The following PHACTR1 variants were observed in gnomAD, a reference collection of about 807,000 sequenced individuals.
PHACTR1 encodes the protein RPEL repeat containing 1.
A neutral mutation model predicts 69.2 loss-of-function variants in PHACTR1; 16 were observed. That is an observed-to-expected ratio of 0.23 (90% CI 0.16 to 0.35). The LOEUF is 0.35. Among genes scored for constraint, PHACTR1 ranks in the 10% least tolerant of loss-of-function variants. The probability of loss-of-function intolerance (pLI) is 1.00; values close to 1 mark genes in which losing one functional copy is unlikely to be tolerated. For missense variants in PHACTR1, 510 were observed against 734.7 expected (o/e 0.69, Z 3.54); for synonymous variants, 312 against 284.5 (o/e 1.10, Z -0.97).
chr6:13,062,233 C>T (rs1807788478), intron 5 of PHACTR1, among the ~76,000 whole-genome samples: 1 of 152,204 alleles, frequency 6.6e-6, no homozygotes, highest in South Asian at 2.1e-4. Flanking sequence ...CTCAGGTACT[C>T]AGGTGAGCAT....
intron 4 of PHACTR1, among the ~76,000 whole-genome samples, chr6:12,976,823 C>T (rs997833755): frequency 6.6e-6 from 1 of 152,048 alleles, no homozygotes; most frequent in Non-Finnish European, 1.5e-5. Context: ...CTTGTGTTCA[C>T]GTAACTGATT....
intron 4 of PHACTR1, chr6:12,933,841 T>C: frequency 6.2e-7 from 1 of 1,612,718 alleles, no homozygotes; most frequent in East Asian, 2.2e-5. Context: ...TTCAAGGAGC[T>C]AAGAGAAGGA....
At chr6:13,193,951 T>C (rs1442016982) in intron 7 of PHACTR1, among the ~76,000 whole-genome samples, 1 of 152,082 alleles carries the variant, frequency 6.6e-6, no homozygotes, top group Non-Finnish European at 1.5e-5. Flanking sequence ...TCTCTTCCGG[T>C]CTCCCTAGGA....
chr6:13,125,715 G>A (rs935248783), intron 5 of PHACTR1, among the ~76,000 whole-genome samples: 15 of 152,138 alleles, frequency 9.9e-5, no homozygotes, highest in African/African-American at 3.6e-4. Flanking sequence ...AATCACTTGA[G>A]CCCAGGAGTT....
In PHACTR1 at chr6:12,964,846, G is replaced by A. The variant is rs146424655; in HGVS notation, c.251-88519G>A. Among the ~76,000 whole-genome samples the A allele has an allele frequency of 2.2e-4, 34 of 152,268 alleles. No homozygotes were observed. In the East Asian group the frequency reaches 6.2e-3, roughly 28 times the overall value. ...TTAATCTGCACAGCAAGCCTGCATG[G>A]TAGGTACAAATACAGCTGTTCCTCA... On this transcript the variant is annotated intron_variant, in intron 4 of 14. Transcript: ENST00000332995.
At chr6:13,278,447 G>A (rs1779414519) in intron 12 of PHACTR1, 118 bp downstream of exon 12, 1 of 851,092 alleles carries the variant, frequency 1.2e-6, no homozygotes, top group South Asian at 1.6e-5. Context: ...TCCTGTGTCA[G>A]AGAGTGCCAC....
intron 4 of PHACTR1, among the ~76,000 whole-genome samples, chr6:13,033,709 A>T (rs1036069520): frequency 1.1e-4 from 16 of 152,192 alleles, no homozygotes; most frequent in Admixed American, 6.5e-5. Context: ...GCTGGCATAA[A>T]AGTTGTTTCA....
intron 4 of PHACTR1, among the ~76,000 whole-genome samples, chr6:12,963,042 G>A (rs1003256665): frequency 1.3e-5 from 2 of 152,194 alleles, no homozygotes; most frequent in African/African-American, 4.8e-5. Flanking sequence ...GAATTGGTCA[G>A]TAGAGAGGAA....
chr6:13,143,880 T>A (rs1479079808), intron 5 of PHACTR1, among the ~76,000 whole-genome samples: 1 of 152,130 alleles, frequency 6.6e-6, no homozygotes, highest in African/African-American at 2.4e-5. Flanking sequence ...GTTGGATTGG[T>A]CCTGTGAATG....
At chr6:13,148,587 A>G (rs1275456518) in intron 5 of PHACTR1, among the ~76,000 whole-genome samples, 2 of 151,930 alleles carry the variant, frequency 1.3e-5, no homozygotes, top group Admixed American at 6.6e-5. Flanking sequence ...TTTTTTTCAC[A>G]TATACCTACT....
chr6:12,724,077 C>T (rs1464649674), intron 3 of PHACTR1, among the ~76,000 whole-genome samples: 2 of 152,200 alleles, frequency 1.3e-5, no homozygotes, highest in Non-Finnish European at 2.9e-5. Context: ...CCTGTAATCC[C>T]AGCACTTTGG....
At chr6:12,796,823 T>G (rs4714870) in intron 4 of PHACTR1, among the ~76,000 whole-genome samples, 56,469 of 152,080 alleles carry the variant, frequency 0.37, 11,282 homozygotes, top group African/African-American at 0.5. Context: ...CCGGAGGAAG[T>G]GCTGGACACT....
intron 4 of PHACTR1, among the ~76,000 whole-genome samples, chr6:12,985,537 A>ATATAT (rs1388013917): frequency 1.5e-4 from 20 of 137,052 alleles, no homozygotes; most frequent in African/African-American, 5.4e-4. Flanking sequence ...TTAAAAAAAA[A>ATATAT]AAAAATATAT....
At chr6:13,166,522 A>G (rs1325419517) in intron 6 of PHACTR1, among the ~76,000 whole-genome samples, 1 of 152,200 alleles carries the variant, frequency 6.6e-6, no homozygotes, top group African/African-American at 2.4e-5. Flanking sequence ...TGTTCACATG[A>G]CTTGGTTTAT....
At chr6:12,717,363 G>GT (rs1313094124) in intron 1 of PHACTR1, 146 bp from the exon 2 acceptor site, 6 of 151,138 alleles carry the variant, frequency 4.0e-5, no homozygotes, top group African/African-American at 1.5e-4. Context: ...ACATAAATCT[G>GT]TTTTGTTTTT....
chr6:12,978,460 G>C (rs1314096021), intron 4 of PHACTR1, among the ~76,000 whole-genome samples: 1 of 152,166 alleles, frequency 6.6e-6, no homozygotes, highest in East Asian at 1.9e-4. Context: ...CTCCATGCCT[G>C]CTGCCCTGCT....
chr6:12,758,187 GT>G (rs1389542491), intron 4 of PHACTR1, among the ~76,000 whole-genome samples: 1 of 152,124 alleles, frequency 6.6e-6, no homozygotes, highest in African/African-American at 2.4e-5. Context: ...GCTCACACCT[GT>G]AATCCAAGCA....
chr6:12,927,147 C>T (rs1406531791), intron 4 of PHACTR1, among the ~76,000 whole-genome samples: 1 of 152,202 alleles, frequency 6.6e-6, no homozygotes, highest in Non-Finnish European at 1.5e-5. Context: ...AACAAGGACA[C>T]CTAGCCTAGA....
At chr6:12,983,875 A>G (rs1795817401) in intron 4 of PHACTR1, among the ~76,000 whole-genome samples, 1 of 152,156 alleles carries the variant, frequency 6.6e-6, no homozygotes, top group Admixed American at 6.6e-5. Context: ...AGGACATGAA[A>G]TCATCCTTTT....
Sources: gnomAD v4.1 joint callset for allele counts (sites outside exome capture counted in the v4.1 genomes callset) on GRCh38, gnomAD v4.1.1 for gene constraint, MANE v1.5 for transcripts, NCBI Gene and HGNC (gene_info 2026-07-23, HGNC 2026-07-21) for gene names.